ZNF782: variants seen among roughly 807,000 people sequenced by gnomAD.
The protein encoded by ZNF782 is zinc finger protein 782.
ZNF782 carries 12 observed loss-of-function variants against 13.0 expected under a neutral mutation model. That is an observed-to-expected ratio of 0.92 (90% CI 0.59 to 1.50). The LOEUF is 1.50. Among genes scored for constraint, ZNF782 ranks in the 40% most tolerant of loss-of-function variants. ZNF782 has a pLI of 0.00. For synonymous variants in ZNF782, 284 were observed against 283.0 expected, an observed-to-expected ratio of 1.00 and a Z score of -0.04; for missense variants, 770 against 822.9, an observed-to-expected ratio of 0.94 and a Z score of 0.79.
At chr9:96,875,063 C>T (rs2118896355) in intron 1 of ZNF782, among the ~76,000 whole-genome samples, 1 of 152,340 alleles carries the variant, frequency 6.6e-6, no homozygotes, top group African/African-American at 2.4e-5. Flanking sequence ...GCTGTAAAGA[C>T]CGCAGGGCTG....
the ZNF782 span, among the ~76,000 whole-genome samples, chr9:96,886,123 T>C: frequency 4.6e-5 from 7 of 151,204 alleles, no homozygotes; most frequent in African/African-American, 1.5e-4. Flanking sequence ...GCTGGGATTA[T>C]AGGCATCAGC....
At chr9:96,924,871 G>C in the ZNF782 span, among the ~76,000 whole-genome samples, 1 of 152,218 alleles carries the variant, frequency 6.6e-6, no homozygotes, top group Non-Finnish European at 1.5e-5. Flanking sequence ...CAAGGGAAAG[G>C]AGCGCGGCCT....
upstream of ZNF782, among the ~76,000 whole-genome samples, chr9:96,857,632 G>A (rs761153311): frequency 2.0e-5 from 3 of 152,236 alleles, no homozygotes; most frequent in Admixed American, 1.3e-4. Context: ...GTGGAGCGAT[G>A]ACCATGAGGT....
chr9:96,911,526 G>GTTTTTT, the ZNF782 span, among the ~76,000 whole-genome samples: 83 of 83,526 alleles, frequency 9.9e-4, no homozygotes, highest in African/African-American at 3.0e-3. Context: ...GTTTTGTTTT[G>GTTTTTT]TTTTTTTTTT....
intron 4 of ZNF782, among the ~76,000 whole-genome samples, chr9:96,834,857 G>T (rs1207279973): frequency 6.6e-6 from 1 of 152,164 alleles, no homozygotes; most frequent in African/African-American, 2.4e-5. Flanking sequence ...GAAAAATTTG[G>T]AGGGGCAGGC....
chr9:96,914,000 A>G, the ZNF782 span, among the ~76,000 whole-genome samples: 40 of 151,362 alleles, frequency 2.6e-4, no homozygotes, highest in East Asian at 7.4e-3. Flanking sequence ...CAAAATGTCA[A>G]GATAATTGAG....
At chr9:96,907,960 G>A in the ZNF782 span, among the ~76,000 whole-genome samples, 12 of 151,770 alleles carry the variant, frequency 7.9e-5, no homozygotes, top group African/African-American at 2.9e-4. Context: ...TCTTAAAATT[G>A]AACATTGCTT....
intron 4 of ZNF782, among the ~76,000 whole-genome samples, chr9:96,838,427 C>T (rs978251403): frequency 6.6e-6 from 1 of 152,156 alleles, no homozygotes; most frequent in Non-Finnish European, 1.5e-5. Flanking sequence ...CAATTTTCTG[C>T]CTGCTTGATC....
intron 1 of ZNF782, among the ~76,000 whole-genome samples, chr9:96,873,672 T>C (rs542358760): frequency 6.6e-6 from 1 of 152,352 alleles, no homozygotes; most frequent in East Asian, 1.9e-4. Flanking sequence ...CGCTCCACCC[T>C]GGGTGACAGA....
the ZNF782 span, among the ~76,000 whole-genome samples, chr9:96,917,478 C>T: frequency 6.6e-6 from 1 of 151,736 alleles, no homozygotes; most frequent in Non-Finnish European, 1.5e-5. Flanking sequence ...GTGACCTGGG[C>T]TGGAGTGCAG....
chr9:96,868,486 T>C (rs1851788056), intron 1 of ZNF782, among the ~76,000 whole-genome samples: 1 of 151,898 alleles, frequency 6.6e-6, no homozygotes, highest in South Asian at 2.1e-4. Context: ...CCCTACCACA[T>C]GTTTGTATTT....
chr9:96,827,608 A>G (rs914512603), intron 4 of ZNF782, among the ~76,000 whole-genome samples: 2 of 152,162 alleles, frequency 1.3e-5, no homozygotes, highest in East Asian at 3.8e-4. Context: ...GCCAAAAAAC[A>G]TTTTCTTATT....
rs1371039785 is a variant in ZNF782, at chr9:96,827,078, A to T, written c.244+2T>A. The T allele has an allele frequency of 6.3e-7, 1 of 1,599,560 alleles. No homozygotes were observed. The highest frequency in any genetic ancestry group is 8.6e-7 in the Non-Finnish European group (1 of 1,169,418). On this transcript the variant is annotated splice_donor_variant, in intron 5 of 5. Coordinates refer to ENST00000481138, the MANE Select transcript of ZNF782 (RefSeq NM_001001662.3). LOFTEE classifies it high-confidence loss of function. ...TTCTTCTTGTTGAATTCAGTAACTC[A>T]CCTGGGGAGTTCCTGCTTAGAAATC...
chr9:96,910,733 T>C, the ZNF782 span, among the ~76,000 whole-genome samples: 2 of 148,710 alleles, frequency 1.3e-5, no homozygotes, highest in African/African-American at 4.9e-5. Flanking sequence ...TCCTCCCGGG[T>C]TCATGCCATT....
In ZNF782 at chr9:96,819,173, T is replaced by G; in HGVS notation, c.850A>C (p.Thr284Pro). Residue 284 changes from threonine (T) to proline (P), a missense_variant, in exon 6 of 6, where the codon ACT (threonine) becomes CCT (proline). Physicochemically the swap from Thr to Pro is conservative, Grantham distance 38. Transcript: ENST00000481138. ...NDTGNCFCRITHKTLTGGKSF... is the reference protein window; with the variant it reads ...NDTGNCFCRIPHKTLTGGKSF... The stretch of plus-strand genomic sequence containing the variant: ...TTCCCTCCTGTGAGAGTTTTGTGAG[T>G]GATTCTACAGAAACAATTTCCAGTA... 1 of 1,612,988 alleles carries G rather than the reference T, an allele frequency of 6.2e-7. No individual in the cohort carries two copies. The highest frequency in any genetic ancestry group is 1.1e-5 in the South Asian group (1 of 90,930).
At chr9:96,922,028 T>C in the ZNF782 span, among the ~76,000 whole-genome samples, 1 of 151,086 alleles carries the variant, frequency 6.6e-6, no homozygotes, top group Non-Finnish European at 1.5e-5. Flanking sequence ...CAGGTGATGC[T>C]GATGCTGATG....
the ZNF782 span, chr9:96,895,938 A>T: frequency 6.6e-6 from 1 of 152,232 alleles, no homozygotes; most frequent in African/African-American, 2.4e-5. Flanking sequence ...ACAATACTGC[A>T]TTCTTGTAGA....
At chr9:96,908,059 A>G in the ZNF782 span, among the ~76,000 whole-genome samples, 1 of 151,978 alleles carries the variant, frequency 6.6e-6, no homozygotes, top group African/African-American at 2.4e-5. Flanking sequence ...AATAAACACA[A>G]TGGACACAGT....
chr9:96,888,168 TAA>T, the ZNF782 span: 2 of 120,204 alleles, frequency 1.7e-5, no homozygotes, highest in African/African-American at 8.8e-5. Context: ...TACAGTATAA[TAA>T]AAAAAGAAAA....
Sources: gnomAD v4.1 joint callset for allele counts (sites outside exome capture counted in the v4.1 genomes callset) on GRCh38, gnomAD v4.1.1 for gene constraint, MANE v1.5 for transcripts, NCBI Gene and HGNC (gene_info 2026-07-23, HGNC 2026-07-21) for gene names.